The following RPAP2 variants were observed in gnomAD, a reference collection of about 807,000 sequenced individuals.
RPAP2 encodes the protein RNA polymerase II associated protein 2.
Under a neutral mutation model 73.1 loss-of-function variants are expected in RPAP2, and 52 were observed. That is an observed-to-expected ratio of 0.71 (90% CI 0.57 to 0.90). The LOEUF (loss-of-function observed/expected upper bound fraction) is 0.90, where lower values mean the gene tolerates loss of function less well. Among genes scored for constraint, RPAP2 ranks in the 40% least tolerant of loss-of-function variants. RPAP2 has a pLI of 0.00. For synonymous variants in RPAP2, 225 were observed against 242.1 expected (o/e 0.93, Z 0.65); for missense variants, 598 against 701.8 (o/e 0.85, Z 1.67).
chr1:92,381,591 T>TTC (rs1410625321), intron 12 of RPAP2, among the ~76,000 whole-genome samples: 1 of 150,460 alleles, frequency 6.6e-6, no homozygotes, highest in East Asian at 2.0e-4. Context: ...AGATTTTCTT[T>TTC]TTTTTTTTTT....
At chr1:92,363,961 T>TAGTTA (rs1207055589) in intron 11 of RPAP2, among the ~76,000 whole-genome samples, 1 of 152,198 alleles carries the variant, frequency 6.6e-6, no homozygotes, top group Admixed American at 6.5e-5. Flanking sequence ...AGGCTATTTA[T>TAGTTA]AGTTAAGTTT....
intron 11 of RPAP2, among the ~76,000 whole-genome samples, chr1:92,375,079 C>A (rs1655331656): frequency 6.6e-6 from 1 of 151,894 alleles, no homozygotes. Context: ...TATATATAGA[C>A]CTTATTCAAT....
intron 11 of RPAP2, among the ~76,000 whole-genome samples, chr1:92,359,663 T>A (rs1281151045): frequency 2.6e-5 from 4 of 152,248 alleles, no homozygotes; most frequent in Non-Finnish European, 5.9e-5. Context: ...TGAGACTTCC[T>A]GTTCAATTTA....
In RPAP2 at chr1:92,395,991, T is replaced by TGCTG. The variant is rs1656174534; in HGVS notation, c.*8982_*8985dup. 6.6e-6 allele frequency: 1 copy of TGCTG among 152,290 alleles called. No individual in the cohort carries two copies. The highest frequency in any genetic ancestry group is 6.5e-5 in the Admixed American group (1 of 15,288). The allele number at this position is 152,290 out of a possible 1,614,324, so 9.4% of individuals were successfully genotyped here. A position where few individuals can be genotyped will look rare whatever the true frequency, so the allele number is the denominator to read the frequency against. On this transcript the variant is annotated 3_prime_UTR_variant, in exon 13 of 13. Transcript: ENST00000610020. ...TGGAGAAACTGGAGCCCTAATGCAT[T>TGCTG]GCTGGTGGGAATGTAAAATGGTGCA...
rs992982028 is a variant in RPAP2 at position 92,304,076 on chromosome 1, G to T, written c.333+1G>T. 7 of 1,584,778 alleles carry T rather than the reference G, an allele frequency of 4.4e-6. No homozygotes were observed. The highest frequency in any genetic ancestry group is 2.2e-5 in the East Asian group (1 of 44,688). ...TTTATGTCAGAAGAAGCTGGGAATT[G>T]TAAGTAACTCATTTTTTTTAAAATA... On this transcript the variant is annotated splice_donor_variant, in intron 4 of 12. Transcript: ENST00000610020. LOFTEE classifies it high-confidence loss of function.
At chr1:92,375,557 G>A (rs1388343667) in intron 11 of RPAP2, among the ~76,000 whole-genome samples, 1 of 152,076 alleles carries the variant, frequency 6.6e-6, no homozygotes, top group African/African-American at 2.4e-5. Context: ...TTGGACAGGC[G>A]CAGTGGCTCA....
At chr1:92,384,798 A>G (rs1655795940) in intron 12 of RPAP2, among the ~76,000 whole-genome samples, 1 of 152,036 alleles carries the variant, frequency 6.6e-6, no homozygotes, top group Admixed American at 6.6e-5. Flanking sequence ...GAATATGGAG[A>G]GGTTGGAATT....
At chr1:92,359,481 G>A (rs139259762) in intron 11 of RPAP2, among the ~76,000 whole-genome samples, 7 of 152,276 alleles carry the variant, frequency 4.6e-5, no homozygotes, top group African/African-American at 7.2e-5. Flanking sequence ...CACCATGCCC[G>A]TCTAATTTTT....
intron 5 of RPAP2, 139 bp from the exon 6 acceptor site, chr1:92,307,049 C>G (rs1268071105): frequency 6.4e-6 from 4 of 625,542 alleles, no homozygotes; most frequent in African/African-American, 1.8e-5. Flanking sequence ...GGTTCAGTAT[C>G]TTATTTCTTA....
chr1:92,314,991 A>G (rs951145086), intron 6 of RPAP2, among the ~76,000 whole-genome samples: 1 of 150,940 alleles, frequency 6.6e-6, no homozygotes, highest in Admixed American at 6.6e-5. Context: ...GTTGCAGTGA[A>G]CCGAGATAGT....
At chr1:92,317,305 G>A (rs1484560980) in intron 6 of RPAP2, among the ~76,000 whole-genome samples, 9 of 151,960 alleles carry the variant, frequency 5.9e-5, no homozygotes, top group Admixed American at 3.9e-4. Context: ...TCAGGAATTC[G>A]AGACCAGCCT....
chr1:92,357,468 C>T (rs1299503202), intron 11 of RPAP2, among the ~76,000 whole-genome samples: 1 of 152,066 alleles, frequency 6.6e-6, no homozygotes, highest in Non-Finnish European at 1.5e-5. Context: ...TAGGAAGTAC[C>T]TATAGCGTGA....
chr1:92,374,778 A>AG (rs993881812), intron 11 of RPAP2, among the ~76,000 whole-genome samples: 5 of 152,212 alleles, frequency 3.3e-5, no homozygotes, highest in Non-Finnish European at 5.9e-5. Context: ...AAAAGCATGC[A>AG]GGTAGTTAAT....
chr1:92,306,835 G>A lies in RPAP2; in HGVS notation c.400-353G>A, dbSNP rs1197625005. ...AAAATTTAATAAGTGAATGAAGTAA[G>A]ATAAGAATGTATAACAATATTATTC... On this transcript the variant is annotated intron_variant, in intron 5 of 12. Transcript: ENST00000610020. 3.3e-5 allele frequency among the ~76,000 whole-genome samples: 5 copies of A among 152,202 alleles called. No homozygotes were observed. In the East Asian group the frequency reaches 9.6e-4, roughly 29 times the overall value.
chr1:92,343,008 T>G (rs375193383), intron 10 of RPAP2, among the ~76,000 whole-genome samples: 23 of 152,254 alleles, frequency 1.5e-4, no homozygotes, highest in Middle Eastern at 3.4e-3. Flanking sequence ...GCTAATACAT[T>G]TGAGAGTTGT....
chr1:92,355,077 A>T (rs964990249), intron 11 of RPAP2, among the ~76,000 whole-genome samples: 10 of 151,760 alleles, frequency 6.6e-5, no homozygotes, highest in African/African-American at 1.7e-4. Context: ...TATTATTATT[A>T]TTTTTTGTAG....
At chr1:92,368,383 AAAG>A (rs1466318758) in intron 11 of RPAP2, among the ~76,000 whole-genome samples, 2 of 152,294 alleles carry the variant, frequency 1.3e-5, no homozygotes, top group South Asian at 2.1e-4. Context: ...TGTCTCAAAA[AAAG>A]AAAAAAATCC....
At chr1:92,336,777 G>A (rs570644134) in intron 10 of RPAP2, among the ~76,000 whole-genome samples, 1 of 152,244 alleles carries the variant, frequency 6.6e-6, no homozygotes, top group African/African-American at 2.4e-5. Flanking sequence ...TATGGGTAAT[G>A]TAAAAGAAAC....
At chr1:92,307,415 T>G (rs1651314527) in intron 6 of RPAP2, 139 bp downstream of exon 6, 1 of 570,756 alleles carries the variant, frequency 1.8e-6, no homozygotes. Flanking sequence ...ATGGTTATAT[T>G]TTAAGCATAG....
Sources: allele counts gnomAD v4.1 joint callset (sites outside exome capture counted in the v4.1 genomes callset), GRCh38; gene constraint gnomAD v4.1.1; transcripts MANE v1.5; gene names NCBI Gene and HGNC (gene_info 2026-07-23, HGNC 2026-07-21).